GABRG3: variants seen among roughly 807,000 people sequenced by gnomAD.
GABRG3 encodes the protein gamma-aminobutyric acid type A receptor subunit gamma3.
GABRG3 carries 25 observed loss-of-function variants against 48.8 expected under a neutral mutation model. That is an observed-to-expected ratio of 0.51 (90% CI 0.37 to 0.72). The LOEUF is 0.72. Among genes scored for constraint, GABRG3 ranks in the 30% least tolerant of loss-of-function variants. The pLI is 0.00. For missense variants in GABRG3, 394 were observed against 577.9 expected, an observed-to-expected ratio of 0.68 and a Z score of 3.26; for synonymous variants, 227 against 217.6, an observed-to-expected ratio of 1.04 and a Z score of -0.38.
At chr15:27,140,802 G>A (rs908531460) in intron 3 of GABRG3, among the ~76,000 whole-genome samples, 4 of 151,694 alleles carry the variant, frequency 2.6e-5, no homozygotes, top group Admixed American at 6.6e-5. Flanking sequence ...TTTCTTCTGC[G>A]CTGTATGTTG....
chr15:27,469,897 CAT>C lies in GABRG3; in HGVS notation c.575-10751_575-10750del, dbSNP rs1889732909. On this transcript the variant is annotated intron_variant, in intron 5 of 9. Coordinates refer to ENST00000615808, the MANE Select transcript of GABRG3 (RefSeq NM_033223.5). The stretch of plus-strand genomic sequence containing the variant: ...ATTCTTTGCCTTACAATGGAAAGAA[CAT>C]AATATCTGTTCCTGCTGCCTTGACG... Among the ~76,000 whole-genome samples, 3 of 152,176 alleles carry C rather than the reference CAT, an allele frequency of 2.0e-5. No homozygotes were observed. The South Asian group carries it at 6.2e-4, about 31-fold the overall frequency.
chr15:27,299,571 C>G (rs1892122991), intron 3 of GABRG3, among the ~76,000 whole-genome samples: 1 of 152,102 alleles, frequency 6.6e-6, no homozygotes, highest in African/African-American at 2.4e-5. Context: ...ACCGAACACT[C>G]CTAATCCTTA....
chr15:27,484,264 T>C (rs1194017496), intron 6 of GABRG3, among the ~76,000 whole-genome samples: 1 of 152,152 alleles, frequency 6.6e-6, no homozygotes, highest in African/African-American at 2.4e-5. Flanking sequence ...ATCTCTTCTA[T>C]ATATCTATAT....
chr15:27,403,920 A>AC (rs1887550108), intron 5 of GABRG3, among the ~76,000 whole-genome samples: 2 of 130,222 alleles, frequency 1.5e-5, no homozygotes, highest in Non-Finnish European at 3.1e-5. Flanking sequence ...AAAACAAAAA[A>AC]AAAAAAAACA....
At chr15:27,214,173 A>C (rs1001500231) in intron 3 of GABRG3, among the ~76,000 whole-genome samples, 5 of 152,212 alleles carry the variant, frequency 3.3e-5, no homozygotes, top group Non-Finnish European at 7.3e-5. Flanking sequence ...GGTTGCTGTG[A>C]AGACAGAAGG....
intron 3 of GABRG3, among the ~76,000 whole-genome samples, chr15:27,320,169 C>G (rs1228123834): frequency 6.6e-6 from 1 of 152,150 alleles, no homozygotes; most frequent in Non-Finnish European, 1.5e-5. Flanking sequence ...GCTGTGTGTT[C>G]ACTTGGTCTT....
chr15:27,467,776 T>C (rs1261052074), intron 5 of GABRG3, among the ~76,000 whole-genome samples: 2 of 152,244 alleles, frequency 1.3e-5, no homozygotes, highest in Non-Finnish European at 2.9e-5. Context: ...AAGTAAATGG[T>C]ACATTGTATG....
At chr15:27,304,512 A>G (rs1297749006) in intron 3 of GABRG3, among the ~76,000 whole-genome samples, 1 of 152,034 alleles carries the variant, frequency 6.6e-6, no homozygotes, top group Non-Finnish European at 1.5e-5. Flanking sequence ...TCGTTCTAGA[A>G]TGGATGCTTG....
chr15:27,322,747 C>T (rs570054053), intron 3 of GABRG3, among the ~76,000 whole-genome samples: 8 of 152,158 alleles, frequency 5.3e-5, no homozygotes, highest in Admixed American at 3.3e-4. Flanking sequence ...CTTCTACACG[C>T]CCCGAGTCTA....
chr15:27,098,742 A>G (rs1287657311), intron 3 of GABRG3, among the ~76,000 whole-genome samples: 1 of 152,116 alleles, frequency 6.6e-6, no homozygotes, highest in African/African-American at 2.4e-5. Context: ...GCAAATTATC[A>G]TATGGAAAAT....
At chr15:27,486,165 G>A (rs1257667482) in intron 6 of GABRG3, among the ~76,000 whole-genome samples, 3 of 152,170 alleles carry the variant, frequency 2.0e-5, no homozygotes, top group Admixed American at 2.0e-4. Flanking sequence ...CTTAGAAGCG[G>A]CTTTGTAGTG....
intron 3 of GABRG3, among the ~76,000 whole-genome samples, chr15:27,202,162 T>C (rs1888704524): frequency 6.6e-6 from 1 of 152,238 alleles, no homozygotes; most frequent in Admixed American, 6.5e-5. Context: ...CTTTCATACA[T>C]TTCTCTATAA....
At chr15:26,977,724 G>C (rs1007278409) in intron 2 of GABRG3, among the ~76,000 whole-genome samples, 1 of 152,082 alleles carries the variant, frequency 6.6e-6, no homozygotes, top group African/African-American at 2.4e-5. Flanking sequence ...CCATTCATCT[G>C]TTGGGGAACA....
chr15:27,309,139 G>T (rs1466764332), intron 3 of GABRG3, among the ~76,000 whole-genome samples: 2 of 112,848 alleles, frequency 1.8e-5, no homozygotes, highest in Non-Finnish European at 4.3e-5. Flanking sequence ...AAACATAGAT[G>T]TTTATATAGA....
In GABRG3 at chr15:27,089,329, C is replaced by G. The variant is rs140617811; in HGVS notation, c.270+62508C>G. On this transcript the variant is annotated intron_variant, in intron 3 of 9. Transcript: ENST00000615808. ...GGGAGGAGCGAGGTGGACCTGCTGC[C>G]TGCAGTCCCCATGGTATAGACACTT... Among the ~76,000 whole-genome samples, 1,094 of 152,270 alleles carry G rather than the reference C, an allele frequency of 7.2e-3. 13 individuals are homozygous for G. The highest frequency in any genetic ancestry group is 0.025 in the African/African-American group (1,059 of 41,566).
Position 26,974,843 on chromosome 15 carries a change from T to TTTA in GABRG3, c.54-2114_54-2112dup, listed in dbSNP as rs59391125. 0.091 allele frequency among the ~76,000 whole-genome samples: 12,833 copies of TTTA among 140,704 alleles called. 615 individuals carry two copies. Among genetic ancestry groups the TTTA allele is most frequent in the East Asian group, 0.13 (629 of 4,870 alleles). The allele number at this position is 140,704 out of a possible 152,430, so 92.3% of individuals were successfully genotyped here. A position where few individuals can be genotyped will look rare whatever the true frequency, so the allele number is the denominator to read the frequency against. On this transcript the variant is annotated intron_variant, in intron 1 of 9. Coordinates refer to ENST00000615808, the MANE Select transcript of GABRG3 (RefSeq NM_033223.5). The surrounding 1 kb of genome is among the most constrained non-coding windows in gnomAD (Gnocchi z 4.3). Reference sequence around the variant, plus strand: ...CAGATGACACGAAATATTTTTTAAATTTATTATTATTATTATTATTATTAT... The same window carrying TTTA: ...CAGATGACACGAAATATTTTTTAAATTTATTATTATTATTATTATTATTATTAT...
At chr15:27,465,732 C>T (rs1420365795) in intron 5 of GABRG3, among the ~76,000 whole-genome samples, 1 of 152,182 alleles carries the variant, frequency 6.6e-6, no homozygotes, top group African/African-American at 2.4e-5. Flanking sequence ...TCTAGGTAGT[C>T]TCTTTCAATG....
intron 5 of GABRG3, among the ~76,000 whole-genome samples, chr15:27,388,732 G>T (rs115836124): frequency 6.6e-6 from 1 of 152,060 alleles, no homozygotes; most frequent in Non-Finnish European, 1.5e-5. Flanking sequence ...CAGACTCAGC[G>T]GAGAGTGCAC....
chr15:27,052,509 C>T (rs548189941), intron 3 of GABRG3, among the ~76,000 whole-genome samples: 25 of 152,222 alleles, frequency 1.6e-4, no homozygotes, highest in Middle Eastern at 6.8e-3. Context: ...AACTCCTTGA[C>T]AAAAGAAGTG....
Sources: allele counts gnomAD v4.1 joint callset (sites outside exome capture counted in the v4.1 genomes callset), GRCh38; gene constraint gnomAD v4.1.1; non-coding constraint Gnocchi (gnomAD v3.1); transcripts MANE v1.5; gene names NCBI Gene and HGNC (gene_info 2026-07-23, HGNC 2026-07-21).